Variants in FGFR2 observed in about 807,000 individuals in gnomAD.
FGFR2 encodes fibroblast growth factor receptor 2.
A neutral mutation model predicts 95.9 loss-of-function variants in FGFR2; 19 were observed. The ratio of observed to expected loss-of-function variants is 0.20; its 90% CI spans 0.14 to 0.29. The LOEUF is 0.29. FGFR2 is among the 10% of genes least tolerant of loss of function. FGFR2 has a pLI of 1.00. For missense variants in FGFR2, 707 were observed against 1,056.9 expected (o/e 0.67, Z 4.59); for synonymous variants, 392 against 393.3 (o/e 1.00, Z 0.04).
At chr10:121,551,106 G>C (rs559320845) in intron 5 of FGFR2, among the ~76,000 whole-genome samples, 184 bp downstream of exon 5, 12 of 152,206 alleles carry the variant, frequency 7.9e-5, no homozygotes, top group Non-Finnish European at 1.8e-4. Flanking sequence ...TGTAGTCCCA[G>C]CTACTCGGGA....
At position 121,517,543 on chromosome 10, in the gene FGFR2, C is replaced by T. The variant is rs1242578747; in HGVS notation, c.940-80G>A. 36 of 1,568,010 alleles carry T rather than the reference C, an allele frequency of 2.3e-5. 1 individual carries two copies. In the South Asian group the frequency reaches 3.2e-4, roughly 14 times the overall value. On this transcript the variant is annotated intron_variant, in intron 7 of 17. Coordinates refer to ENST00000358487, the MANE Select transcript of FGFR2 (RefSeq NM_000141.5). This position sits in a 1 kb window ranked among gnomAD's most constrained non-coding sequence, Gnocchi z 4.7. Reference sequence around the variant, plus strand: ...AGGGGGCTGTGGAACCACAAGGCGTCGCACCGGGGGCTTCAGGGGGTGCTG... The same window carrying T: ...AGGGGGCTGTGGAACCACAAGGCGTTGCACCGGGGGCTTCAGGGGGTGCTG...
At chr10:121,551,220 A>G (rs931076017) in intron 5 of FGFR2, 70 bp downstream of exon 5, 31 of 1,162,508 alleles carry the variant, frequency 2.7e-5, no homozygotes, top group Non-Finnish European at 3.2e-5. Context: ...ACTCCATCGC[A>G]AAAAAAAAAT....
chr10:121,561,287 G>A (rs929317575), intron 4 of FGFR2, among the ~76,000 whole-genome samples: 6 of 151,962 alleles, frequency 3.9e-5, no homozygotes, highest in African/African-American at 7.2e-5. Flanking sequence ...AGCGGGGTGT[G>A]GTAGCATGTA....
intron 2 of FGFR2, among the ~76,000 whole-genome samples, chr10:121,567,856 C>G (rs1216184454): frequency 1.3e-5 from 2 of 152,220 alleles, no homozygotes; most frequent in Non-Finnish European, 2.9e-5. Flanking sequence ...GCCTGCAAGC[C>G]CTACAATATT....
rs1849775991 is a variant in FGFR2, at chr10:121,517,024, C to G, written c.1084+295G>C. Among the ~76,000 whole-genome samples the G allele has an allele frequency of 1.3e-5, 2 of 152,056 alleles. No homozygotes were observed. The highest frequency in any genetic ancestry group is 1.3e-4 in the Admixed American group (2 of 15,270). ...TTACCAAAGTAATGGCAACTTGTTC[C>G]TTAAGAGAAAGGGGGATGGGCTAAT... On this transcript the variant is annotated intron_variant, in intron 8 of 17. Transcript: ENST00000358487. The surrounding 1 kb of genome is among the most constrained non-coding windows in gnomAD (Gnocchi z 4.7).
intron 2 of FGFR2, among the ~76,000 whole-genome samples, chr10:121,577,028 G>A (rs1371822141): frequency 2.0e-5 from 3 of 148,126 alleles, no homozygotes; most frequent in Non-Finnish European, 3.0e-5. Context: ...CCAGCTACTC[G>A]GGAGGCTGAG....
intron 6 of FGFR2, among the ~76,000 whole-genome samples, chr10:121,533,231 A>T (rs1852336039): frequency 6.6e-6 from 1 of 152,120 alleles, no homozygotes; most frequent in South Asian, 2.1e-4. Flanking sequence ...TCTACTAAAA[A>T]CTACAAAAAC....
At chr10:121,564,091 T>C (rs1857333359) in intron 4 of FGFR2, among the ~76,000 whole-genome samples, 1 of 152,168 alleles carries the variant, frequency 6.6e-6, no homozygotes, top group Non-Finnish European at 1.5e-5. Context: ...TATTGCCCAA[T>C]GTGCCGGGAG....
intron 12 of FGFR2, among the ~76,000 whole-genome samples, chr10:121,496,929 A>C (rs1846918433): frequency 6.6e-6 from 1 of 151,528 alleles, no homozygotes; most frequent in Non-Finnish European, 1.5e-5. Flanking sequence ...CCAGGAGTTC[A>C]AGACCAGCCT....
intron 5 of FGFR2, among the ~76,000 whole-genome samples, chr10:121,547,545 C>A (rs188658456): frequency 6.6e-6 from 1 of 151,864 alleles, no homozygotes; most frequent in South Asian, 2.1e-4. Context: ...CAGGTGAGCA[C>A]TACTACGCCC....
intron 13 of FGFR2, among the ~76,000 whole-genome samples, chr10:121,493,249 C>A (rs146502115): frequency 6.6e-6 from 1 of 152,266 alleles, no homozygotes; most frequent in East Asian, 1.9e-4. Flanking sequence ...TTAATAATAA[C>A]GATAGTTACT....
intron 2 of FGFR2, among the ~76,000 whole-genome samples, chr10:121,579,765 C>T (rs750799624): frequency 2.0e-5 from 3 of 152,164 alleles, no homozygotes; most frequent in Non-Finnish European, 2.9e-5. Flanking sequence ...AAACACCAAA[C>T]CATGGGCAAG....
At chr10:121,574,698 C>A (rs370418669) in intron 2 of FGFR2, among the ~76,000 whole-genome samples, 2 of 152,140 alleles carry the variant, frequency 1.3e-5, no homozygotes, top group South Asian at 4.1e-4. Context: ...TCTGCAAGAG[C>A]CGACTTGCAA....
intron 17 of FGFR2, chr10:121,481,791 T>C (rs1466245009): frequency 4.5e-6 from 1 of 220,562 alleles, no homozygotes; most frequent in East Asian, 7.2e-5. Context: ...CATGAGATCA[T>C]TAAAATAGAA....
chr10:121,527,576 T>G (rs755315403), intron 6 of FGFR2: 1 of 110,068 alleles, frequency 9.1e-6, no homozygotes, highest in East Asian at 2.9e-4. Flanking sequence ...TTTTATGTTA[T>G]GTATATTTTA....
chr10:121,524,053 T>C (rs1850934654), intron 6 of FGFR2, among the ~76,000 whole-genome samples: 1 of 151,128 alleles, frequency 6.6e-6, no homozygotes, highest in Non-Finnish European at 1.5e-5. Context: ...GTCAAAGTGC[T>C]GCTGAGCTCC....
At chr10:121,577,470 G>A (rs1476319904) in intron 2 of FGFR2, among the ~76,000 whole-genome samples, 1 of 151,964 alleles carries the variant, frequency 6.6e-6, no homozygotes, top group African/African-American at 2.4e-5. Context: ...GAGGGGGCAG[G>A]GCTCCTGGTC....
intron 11 of FGFR2, 29 bp from the exon 12 acceptor site, chr10:121,498,634 A>T: frequency 6.3e-7 from 1 of 1,589,968 alleles, no homozygotes; most frequent in South Asian, 1.1e-5. Flanking sequence ...TTCACAAATC[A>T]GTTCATTTCC....
chr10:121,591,536 A>G (rs1280784584), intron 2 of FGFR2, among the ~76,000 whole-genome samples: 1 of 152,226 alleles, frequency 6.6e-6, no homozygotes, highest in Admixed American at 6.5e-5. Context: ...TTCAATGACT[A>G]TTAATGAAGA....
Sources: allele counts gnomAD v4.1 joint callset (sites outside exome capture counted in the v4.1 genomes callset), GRCh38; gene constraint gnomAD v4.1.1; non-coding constraint Gnocchi (gnomAD v3.1); transcripts MANE v1.5; gene names NCBI Gene and HGNC (gene_info 2026-07-23, HGNC 2026-07-21).